The following DENND1B variants were observed in gnomAD, a reference collection of about 807,000 sequenced individuals.
The protein encoded by DENND1B is DENN domain containing 1B, also known as DENN domain-containing protein 1B.
A neutral mutation model predicts 90.1 loss-of-function variants in DENND1B; 59 were observed. The ratio of observed to expected loss-of-function variants is 0.65; its 90% confidence interval spans 0.53 to 0.81. The LOEUF is 0.81. Ranked by LOEUF, DENND1B falls within the 40% of genes least tolerant of loss-of-function variation. DENND1B has a pLI of 0.00. For missense variants in DENND1B, 862 were observed against 912.6 expected (o/e 0.94, Z 0.71); for synonymous variants, 337 against 324.6 (o/e 1.04, Z -0.41).
chr1:197,631,223 G>A (rs1679295449), intron 10 of DENND1B, among the ~76,000 whole-genome samples: 1 of 151,816 alleles, frequency 6.6e-6, no homozygotes, highest in African/African-American at 2.4e-5. Context: ...GTTAGGATAT[G>A]GTTTATACAA....
chr1:197,552,817 G>A, intron 16 of DENND1B: 1 of 1,326,874 alleles, frequency 7.5e-7, no homozygotes, highest in East Asian at 3.2e-5. Flanking sequence ...CAATTCAGGA[G>A]GCCAACTTAA....
intron 2 of DENND1B, among the ~76,000 whole-genome samples, chr1:197,723,909 A>C (rs1285412443): frequency 1.3e-5 from 2 of 152,142 alleles, no homozygotes; most frequent in Non-Finnish European, 2.9e-5. Flanking sequence ...TCTTTGAAGT[A>C]AAATATTGTC....
At chr1:197,603,338 C>T (rs1676375003) in intron 13 of DENND1B, among the ~76,000 whole-genome samples, 3 of 151,070 alleles carry the variant, frequency 2.0e-5, no homozygotes, top group Admixed American at 2.0e-4. Flanking sequence ...TGAAAGGGAC[C>T]ATGGTCTACT....
intron 3 of DENND1B, among the ~76,000 whole-genome samples, chr1:197,674,515 A>G (rs1276260319): frequency 6.6e-6 from 1 of 152,160 alleles, no homozygotes; most frequent in Non-Finnish European, 1.5e-5. Flanking sequence ...TACTTGTACC[A>G]CAGTCTAGCC....
chr1:197,691,922 A>G (rs1657929021), intron 3 of DENND1B, among the ~76,000 whole-genome samples: 1 of 151,940 alleles, frequency 6.6e-6, no homozygotes, highest in African/African-American at 2.4e-5. Context: ...AACTCACAGA[A>G]GCAGAAAGTA....
intron 6 of DENND1B, among the ~76,000 whole-genome samples, chr1:197,653,419 T>A (rs974985167): frequency 6.6e-6 from 1 of 152,098 alleles, no homozygotes; most frequent in Admixed American, 6.5e-5. Context: ...ATTCTGTTTA[T>A]ACAAAGTTCT....
chr1:197,539,869 TA>T, intron 20 of DENND1B, 94 bp downstream of exon 20: 1 of 1,054,738 alleles, frequency 9.5e-7, no homozygotes, highest in Non-Finnish European at 1.4e-6. Flanking sequence ...TCATATAAGA[TA>T]AAAAATTAGT....
At position 197,706,473 on chromosome 1, in the gene DENND1B, A is replaced by G. The variant is rs567955134; in HGVS notation, c.126+8558T>C. Among the ~76,000 whole-genome samples the G allele has an allele frequency of 2.0e-5, 3 of 152,336 alleles. No individual in the cohort carries two copies. The East Asian group carries it at 5.8e-4, about 29-fold the overall frequency. Reference sequence around the variant, plus strand: ...AAAGCTTCGGCACAGCCAAAGGAACAACCAACAGACTGAAGAGACAACCAA... The same window carrying G: ...AAAGCTTCGGCACAGCCAAAGGAACGACCAACAGACTGAAGAGACAACCAA... On this transcript the variant is annotated intron_variant, in intron 3 of 22. Transcript: ENST00000620048.
intron 10 of DENND1B, among the ~76,000 whole-genome samples, chr1:197,619,895 A>G (rs1421388): frequency 0.98 from 148,328 of 151,286 alleles, 72,780 homozygotes; most frequent in South Asian, 1. Context: ...GATCTACCAG[A>G]AGAGAACCGA....
intron 10 of DENND1B, among the ~76,000 whole-genome samples, chr1:197,639,477 A>C (rs1680089008): frequency 6.6e-6 from 1 of 152,202 alleles, no homozygotes; most frequent in East Asian, 1.9e-4. Context: ...AAGGTTTATA[A>C]TTATCATTCT....
chr1:197,590,194 C>T (rs6702421), intron 14 of DENND1B, among the ~76,000 whole-genome samples: 30,204 of 151,958 alleles, frequency 0.2, 3,288 homozygotes, highest in Middle Eastern at 0.36. Context: ...TTAATAATGA[C>T]GACGTAAACA....
At position 197,507,825 on chromosome 1, in the gene DENND1B, TTGAA is replaced by T. The variant is rs556180955; in HGVS notation, c.*2631_*2634del. ...GGAAGTCTAAGTTTAAGAGCAGACT[TTGAA>T]TATTCAAAATTTTACTGGTTTGAAA... On this transcript the variant is annotated 3_prime_UTR_variant, in exon 23 of 23. Transcript: ENST00000620048. 1.4e-4 allele frequency: 21 copies of T among 151,780 alleles called. 1 individual carries two copies. The East Asian group carries it at 4.1e-3, about 30-fold the overall frequency. 9.4% of individuals were successfully genotyped at this position (151,780 alleles called of 1,614,324 possible). A position where few individuals can be genotyped will look rare whatever the true frequency, so the allele number is the denominator to read the frequency against.
At chr1:197,780,440 C>G (rs1490238095), upstream of DENND1B, among the ~76,000 whole-genome samples, 1 of 151,858 alleles carries the variant, frequency 6.6e-6, no homozygotes, top group African/African-American at 2.4e-5. Context: ...ATTCTCCTGC[C>G]TCAGCCTCCC....
At chr1:197,514,509 G>T (rs1257841849) in intron 20 of DENND1B, among the ~76,000 whole-genome samples, 1 of 151,544 alleles carries the variant, frequency 6.6e-6, no homozygotes, top group African/African-American at 2.4e-5. Flanking sequence ...ATCTTTTAGA[G>T]CTATAACTTG....
intron 7 of DENND1B, among the ~76,000 whole-genome samples, chr1:197,651,715 A>G (rs2477072): frequency 0.97 from 140,250 of 144,340 alleles, 68,289 homozygotes; most frequent in East Asian, 1. Context: ...GAGTGCAGTA[A>G]CACGATCTCG....
chr1:197,735,850 C>A, intron 2 of DENND1B: 1 of 1,601,154 alleles, frequency 6.2e-7, no homozygotes, highest in Non-Finnish European at 8.5e-7. Flanking sequence ...AAGAAAAGAA[C>A]TTGCCGAGCA....
intron 3 of DENND1B, among the ~76,000 whole-genome samples, chr1:197,707,865 G>A (rs1344461337): frequency 6.8e-6 from 1 of 147,822 alleles, no homozygotes; most frequent in Admixed American, 6.7e-5. Context: ...AGGCCAGTGT[G>A]TGTGCGCACC....
upstream of DENND1B, among the ~76,000 whole-genome samples, chr1:197,779,216 A>G (rs1657372031): frequency 6.6e-6 from 1 of 152,160 alleles, no homozygotes; most frequent in Non-Finnish European, 1.5e-5. Context: ...AAAGTTTACT[A>G]TTATTTCTTT....
chr1:197,506,251 C>T lies in DENND1B; in HGVS notation c.*4209G>A, dbSNP rs762996838. The T allele has an allele frequency of 1.3e-5, 2 of 151,456 alleles. No homozygotes were observed. The highest frequency in any genetic ancestry group is 3.0e-5 in the Non-Finnish European group (2 of 67,594). The allele number at this position is 151,456 out of a possible 1,614,324, so 9.4% of individuals were successfully genotyped here. The stretch of plus-strand genomic sequence containing the variant: ...TTCTTCTGTCTAAATGTATATAATT[C>T]CTTATTTCTTCATCAAATCACGTTA... On this transcript the variant is annotated 3_prime_UTR_variant, in exon 23 of 23. Transcript: ENST00000620048.
Sources: gnomAD v4.1 joint callset for allele counts (sites outside exome capture counted in the v4.1 genomes callset) on GRCh38, gnomAD v4.1.1 for gene constraint, MANE v1.5 for transcripts, NCBI Gene and HGNC (gene_info 2026-07-23, HGNC 2026-07-21) for gene names.